The following PLCG2 variants were observed in gnomAD, a reference collection of about 807,000 sequenced individuals.
PLCG2 encodes the protein 1-phosphatidylinositol 4,5-bisphosphate phosphodiesterase gamma-2.
Under a neutral mutation model 175.6 loss-of-function variants are expected in PLCG2, and 69 were observed. The observed-to-expected ratio is 0.39, with a 90% confidence interval of 0.32 to 0.48. The LOEUF is 0.48. Ranked by LOEUF, PLCG2 falls within the 20% of genes least tolerant of loss-of-function variation. The pLI is 0.91. For synonymous variants in PLCG2, 827 were observed against 624.0 expected (o/e 1.33, Z -4.85); for missense variants, 1,798 against 1,650.9 (o/e 1.09, Z -1.54).
At chr16:81,946,589 G>A (rs1238725119) in intron 31 of PLCG2, among the ~76,000 whole-genome samples, 2 of 152,004 alleles carry the variant, frequency 1.3e-5, no homozygotes, top group African/African-American at 4.8e-5. Flanking sequence ...CATCCTTTCT[G>A]GATGCTTTTT....
intron 7 of PLCG2, among the ~76,000 whole-genome samples, chr16:81,880,136 G>A (rs1908007434): frequency 6.6e-6 from 1 of 152,196 alleles, no homozygotes; most frequent in African/African-American, 2.4e-5. Flanking sequence ...AGTTACGCAG[G>A]AAGCTAATAC....
intron 3 of PLCG2, among the ~76,000 whole-genome samples, chr16:81,855,737 A>G (rs1207382568): frequency 1.3e-5 from 2 of 152,142 alleles, no homozygotes; most frequent in African/African-American, 2.4e-5. Context: ...TGACTTTTAC[A>G]TTGGGTTTTG....
At position 81,923,587 on chromosome 16, in the gene PLCG2, G is replaced by A. The variant is rs1216454496; in HGVS notation, c.2410G>A (p.Gly804Arg). 6 of 1,600,360 alleles carry A rather than the reference G, an allele frequency of 3.7e-6. No individual in the cohort carries two copies. Among genetic ancestry groups the A allele is most frequent in the East Asian group, 4.5e-5 (2 of 44,784 alleles). Residue 804 changes from glycine to arginine, a missense_variant, in exon 22 of 33, where the codon GGG becomes AGG. Gly to Arg is a moderately radical substitution (Grantham distance 125). Transcript: ENST00000564138. ...ALIHNVSKEP[G>R]GWWKGDYGTR... Reference sequence around the variant, plus strand: ...CATCCACAATGTCTCCAAGGAGCCCGGGGGCTGGTAAGGCTGAGTGGAGGC... The same window carrying A: ...CATCCACAATGTCTCCAAGGAGCCCAGGGGCTGGTAAGGCTGAGTGGAGGC...
At chr16:81,951,544 G>T (rs758768919) in intron 31 of PLCG2, among the ~76,000 whole-genome samples, 1 of 152,132 alleles carries the variant, frequency 6.6e-6, no homozygotes, top group Non-Finnish European at 1.5e-5. Context: ...AAAGTAAGAA[G>T]AACAATGGAA....
chr16:81,897,381 T>C (rs114109221), intron 13 of PLCG2, among the ~76,000 whole-genome samples: 5 of 152,192 alleles, frequency 3.3e-5, no homozygotes, highest in Non-Finnish European at 5.9e-5. Context: ...ATGCTTCAAT[T>C]TCCATGTTAA....
intron 5 of PLCG2, among the ~76,000 whole-genome samples, chr16:81,865,548 C>T (rs1316551277): frequency 6.6e-6 from 1 of 152,192 alleles, no homozygotes; most frequent in Non-Finnish European, 1.5e-5. Context: ...GGGTTTTCTC[C>T]ACTTGTTCTT....
At chr16:81,780,032 G>C (rs1597313742) in intron 1 of PLCG2, among the ~76,000 whole-genome samples, 6 of 152,180 alleles carry the variant, frequency 3.9e-5, no homozygotes, top group Admixed American at 3.9e-4. Flanking sequence ...CCCGCACAGC[G>C]CAAGAGTTCA....
chr16:81,827,197 T>TG (rs5818353), intron 2 of PLCG2, among the ~76,000 whole-genome samples: 1 of 151,594 alleles, frequency 6.6e-6, no homozygotes, highest in Non-Finnish European at 1.5e-5. Context: ...TGGGTTTTTT[T>TG]TTTTTTGGGG....
intron 2 of PLCG2, among the ~76,000 whole-genome samples, chr16:81,843,127 C>T (rs1406808114): frequency 6.6e-6 from 1 of 152,080 alleles, no homozygotes; most frequent in African/African-American, 2.4e-5. Flanking sequence ...CTGAGCCCCA[C>T]CATGCAAGAG....
At chr16:81,849,955 C>G (rs1481673941) in intron 2 of PLCG2, among the ~76,000 whole-genome samples, 1 of 152,156 alleles carries the variant, frequency 6.6e-6, no homozygotes, top group Non-Finnish European at 1.5e-5. Flanking sequence ...TAATACCTTT[C>G]AAGTTTTTAG....
At chr16:81,887,151 G>A (rs185089332) in intron 9 of PLCG2, among the ~76,000 whole-genome samples, 1 of 149,732 alleles carries the variant, frequency 6.7e-6, no homozygotes, top group Non-Finnish European at 1.5e-5. Flanking sequence ...ATGGAGTCTC[G>A]CTCTGTCACA....
At chr16:81,888,038 C>T (rs1236478514) in intron 9 of PLCG2, among the ~76,000 whole-genome samples, 1 of 32,960 alleles carries the variant, frequency 3.0e-5, no homozygotes, top group Non-Finnish European at 8.1e-5. Flanking sequence ...GGAGCTGAGA[C>T]TCTGCAGTTT....
At chr16:81,938,454 TC>T (rs1332114115) in intron 28 of PLCG2, 1 of 314,422 alleles carries the variant, frequency 3.2e-6, no homozygotes, top group Non-Finnish European at 5.9e-6. Flanking sequence ...GCCACACTGT[TC>T]CTCAGCCTTT....
chr16:81,882,336 T>C (rs1374176495), intron 8 of PLCG2, among the ~76,000 whole-genome samples: 1 of 152,132 alleles, frequency 6.6e-6, no homozygotes, highest in African/African-American at 2.4e-5. Context: ...ACCTAACCTC[T>C]GCTTGGTCCA....
chr16:81,921,146 G>A (rs1365463254), intron 20 of PLCG2, 52 bp from the exon 21 acceptor site: 1 of 1,093,244 alleles, frequency 9.1e-7, no homozygotes, highest in Non-Finnish European at 1.4e-6. Context: ...ATATGTAAGG[G>A]CTATTCCAGG....
intron 31 of PLCG2, among the ~76,000 whole-genome samples, chr16:81,950,500 G>T (rs1911324090): frequency 6.6e-6 from 1 of 152,104 alleles, no homozygotes; most frequent in Non-Finnish European, 1.5e-5. Flanking sequence ...TAAGAAATCA[G>T]CAAAGACATA....
At chr16:81,904,356 A>T (rs1282906411) in intron 14 of PLCG2, among the ~76,000 whole-genome samples, 1 of 152,028 alleles carries the variant, frequency 6.6e-6, no homozygotes, top group Non-Finnish European at 1.5e-5. Context: ...TCTGGATCTG[A>T]CCCCCTATCC....
chr16:81,896,720 A>T (rs945197561), intron 13 of PLCG2, among the ~76,000 whole-genome samples: 4 of 152,206 alleles, frequency 2.6e-5, no homozygotes, highest in African/African-American at 9.6e-5. Flanking sequence ...CCAAGCAGCC[A>T]GTAATGGTGG....
intron 7 of PLCG2, among the ~76,000 whole-genome samples, chr16:81,878,366 C>T (rs1907916621): frequency 6.6e-6 from 1 of 152,150 alleles, no homozygotes; most frequent in Non-Finnish European, 1.5e-5. Flanking sequence ...TTGATTGCAC[C>T]TTGCAAAGAC....
Sources: gnomAD v4.1 joint callset for allele counts (sites outside exome capture counted in the v4.1 genomes callset) on GRCh38, gnomAD v4.1.1 for gene constraint, MANE v1.5 for transcripts, NCBI Gene and HGNC (gene_info 2026-07-23, HGNC 2026-07-21) for gene names.